Variants in SORCS1 observed in about 807,000 individuals in gnomAD.
SORCS1 encodes sortilin related VPS10 domain containing receptor 1, also known as VPS10 domain-containing receptor SorCS1.
SORCS1 carries 60 observed loss-of-function variants against 146.1 expected under a neutral mutation model. That is an observed-to-expected ratio of 0.41 (90% CI 0.33 to 0.51). SORCS1 has a LOEUF of 0.51. SORCS1 is among the 20% of genes least tolerant of loss of function. The probability of loss-of-function intolerance (pLI) is 0.21; values close to 1 mark genes in which losing one functional copy is unlikely to be tolerated. For missense variants in SORCS1, 1,352 were observed against 1,487.6 expected, an observed-to-expected ratio of 0.91 and a Z score of 1.50; for synonymous variants, 637 against 584.0, an observed-to-expected ratio of 1.09 and a Z score of -1.31.
chr10:106,989,688 T>TTG (rs1554906161), intron 1 of SORCS1, among the ~76,000 whole-genome samples: 4 of 130,476 alleles, frequency 3.1e-5, no homozygotes, highest in African/African-American at 1.2e-4. Flanking sequence ...TTGTTTTTTT[T>TTG]TTTTTTTTTT....
At chr10:107,097,550 T>C (rs948466907) in intron 1 of SORCS1, among the ~76,000 whole-genome samples, 6 of 152,042 alleles carry the variant, frequency 3.9e-5, no homozygotes, top group African/African-American at 1.4e-4. Flanking sequence ...AAGACCAAAG[T>C]CTTTATACTC....
intron 2 of SORCS1, among the ~76,000 whole-genome samples, chr10:106,844,010 C>T (rs373140867): frequency 1.3e-5 from 2 of 152,190 alleles, no homozygotes. Context: ...TACACTCCCA[C>T]CACAAGTGTA....
chr10:106,849,666 GT>G (rs1432095007), intron 2 of SORCS1, among the ~76,000 whole-genome samples: 1 of 151,088 alleles, frequency 6.6e-6, no homozygotes, highest in African/African-American at 2.4e-5. Flanking sequence ...GGCGCTCTGC[GT>G]TTTAGAGTTT....
At chr10:106,692,143 G>A (rs1282836131) in intron 9 of SORCS1, among the ~76,000 whole-genome samples, 1 of 152,198 alleles carries the variant, frequency 6.6e-6, no homozygotes, top group Non-Finnish European at 1.5e-5. Flanking sequence ...CTGGGCTCAA[G>A]CGATCCTCCC....
At chr10:106,615,049 ATAG>A (rs66854234) in intron 21 of SORCS1, among the ~76,000 whole-genome samples, 148,430 of 152,146 alleles carry the variant, frequency 0.98, 72,492 homozygotes, top group East Asian at 1. Context: ...CATCATGACA[ATAG>A]GACTTCATGT....
chr10:106,738,623 C>G (rs1032347202), intron 5 of SORCS1, among the ~76,000 whole-genome samples: 2 of 152,214 alleles, frequency 1.3e-5, no homozygotes, highest in Non-Finnish European at 2.9e-5. Context: ...AAGAGAGAAC[C>G]TCTCCACTTC....
rs539839292 is a variant in SORCS1, at chr10:107,060,199, G to T, written c.559-103619C>A. 6.6e-6 allele frequency among the ~76,000 whole-genome samples: 1 copy of T among 152,114 alleles called. No homozygotes were observed. Among genetic ancestry groups the T allele is most frequent in the African/African-American group, 2.4e-5 (1 of 41,490 alleles). On this transcript the variant is annotated intron_variant, in intron 1 of 25. Transcript: ENST00000263054. This position sits in a 1 kb window ranked among gnomAD's most constrained non-coding sequence, Gnocchi z 4.1. ...AATATTAAAATGTAGACAGAAGGAT[G>T]GAAATGACAATGAGGATCTGAAGTT... is the stretch of plus-strand genomic sequence containing the variant.
At chr10:106,812,571 G>A (rs934941244) in intron 3 of SORCS1, among the ~76,000 whole-genome samples, 5 of 152,222 alleles carry the variant, frequency 3.3e-5, no homozygotes, top group South Asian at 4.1e-4. Flanking sequence ...ATCTTTCCCT[G>A]TGGTAGTTCT....
chr10:107,151,331 C>T (rs1251293389), intron 1 of SORCS1, among the ~76,000 whole-genome samples: 1 of 151,886 alleles, frequency 6.6e-6, no homozygotes, highest in Non-Finnish European at 1.5e-5. Context: ...AAACTTGTTG[C>T]AAACTGGAGT....
chr10:106,927,392 T>C (rs949442522), intron 2 of SORCS1, among the ~76,000 whole-genome samples: 2 of 151,960 alleles, frequency 1.3e-5, no homozygotes, highest in Admixed American at 1.3e-4. Flanking sequence ...CGTGGTCTCG[T>C]TGGCTTCAGG....
intron 3 of SORCS1, among the ~76,000 whole-genome samples, chr10:106,815,653 G>C (rs1012261336): frequency 1.3e-5 from 2 of 152,104 alleles, no homozygotes; most frequent in African/African-American, 4.8e-5. Flanking sequence ...TACCACCAAG[G>C]CCTGTGGGGT....
intron 2 of SORCS1, among the ~76,000 whole-genome samples, chr10:106,948,552 T>C (rs1405796691): frequency 6.6e-6 from 1 of 151,884 alleles, no homozygotes; most frequent in Non-Finnish European, 1.5e-5. Context: ...TGTGTACCTG[T>C]AGTACCAGTT....
chr10:107,172,317 T>G, the SORCS1 span, among the ~76,000 whole-genome samples: 7 of 152,232 alleles, frequency 4.6e-5, no homozygotes, highest in African/African-American at 1.2e-4. Flanking sequence ...GGTCTGTGCC[T>G]GCCATGTCCT....
intron 1 of SORCS1, among the ~76,000 whole-genome samples, chr10:107,057,271 C>CA (rs1960735160): frequency 6.6e-6 from 1 of 152,176 alleles, no homozygotes; most frequent in African/African-American, 2.4e-5. Context: ...ATCTTACTTA[C>CA]AAGGGGCCAT....
chr10:106,994,083 A>G (rs867336471), intron 1 of SORCS1, among the ~76,000 whole-genome samples: 2 of 150,274 alleles, frequency 1.3e-5, no homozygotes, highest in Non-Finnish European at 3.0e-5. Flanking sequence ...AAAAAAAAAA[A>G]AAAAGAAAAT....
intron 21 of SORCS1, among the ~76,000 whole-genome samples, chr10:106,614,042 TTTAAA>T (rs1847189538): frequency 2.0e-5 from 3 of 152,138 alleles, no homozygotes; most frequent in African/African-American, 4.8e-5. Context: ...CTCAGCGCTA[TTTAAA>T]TTATTTTGTT....
intron 18 of SORCS1, among the ~76,000 whole-genome samples, chr10:106,640,341 G>A (rs370731859): frequency 1.3e-5 from 2 of 152,164 alleles, no homozygotes; most frequent in East Asian, 1.9e-4. Context: ...CTCATGTTTT[G>A]GAGTTAAATC....
chr10:106,712,511 T>A (rs371795611), intron 6 of SORCS1, among the ~76,000 whole-genome samples: 75 of 152,346 alleles, frequency 4.9e-4, no homozygotes, highest in African/African-American at 1.7e-3. Context: ...AAAGAAAGCA[T>A]AAACATCATG....
intron 2 of SORCS1, among the ~76,000 whole-genome samples, chr10:106,916,327 G>C (rs1952421517): frequency 6.6e-6 from 1 of 151,856 alleles, no homozygotes; most frequent in African/African-American, 2.4e-5. Context: ...GAATGAAGTG[G>C]AAAGTTGATT....
Sources: gnomAD v4.1 joint callset for allele counts (sites outside exome capture counted in the v4.1 genomes callset) on GRCh38, gnomAD v4.1.1 for gene constraint, Gnocchi (gnomAD v3.1) non-coding constraint, MANE v1.5 for transcripts, NCBI Gene and HGNC (gene_info 2026-07-23, HGNC 2026-07-21) for gene names.